Variants in COPB2 observed in about 807,000 individuals in gnomAD.
COPB2 encodes coatomer subunit beta'.
COPB2 carries 16 observed loss-of-function variants against 120.8 expected under a neutral mutation model. The ratio of observed to expected loss-of-function variants is 0.13; its 90% CI spans 0.09 to 0.20. COPB2 has a LOEUF of 0.20. Ranked by LOEUF, COPB2 falls within the 10% of genes least tolerant of loss-of-function variation. The pLI, the probability that COPB2 is intolerant of heterozygous loss-of-function variation, is 1.00. For synonymous variants in COPB2, 332 were observed against 366.3 expected, an observed-to-expected ratio of 0.91 and a Z score of 1.07; for missense variants, 794 against 1,076.5, an observed-to-expected ratio of 0.74 and a Z score of 3.67.
intron 5 of COPB2, among the ~76,000 whole-genome samples, chr3:139,377,501 T>C (rs556185093): frequency 2.6e-5 from 4 of 152,296 alleles, no homozygotes; most frequent in African/African-American, 7.2e-5. Flanking sequence ...GGATGGTGAG[T>C]AGACCAGGGT....
At chr3:139,379,019 C>T (rs1576377402) in intron 4 of COPB2, 28 bp downstream of exon 4, 1 of 1,552,144 alleles carries the variant, frequency 6.4e-7, no homozygotes, top group East Asian at 2.3e-5. Context: ...CAAAGAGACG[C>T]ACATGACCAA....
Position 139,377,471 on chromosome 3 carries a change from A to G in COPB2, c.504+570T>C, listed in dbSNP as rs73235412. Among the ~76,000 whole-genome samples, 661 of 152,368 alleles carry G rather than the reference A, an allele frequency of 4.3e-3. 4 individuals carry two copies. The highest frequency in any genetic ancestry group is 7.1e-3 in the Non-Finnish European group (483 of 68,038). ...AGTTCAATGAAGTAAGGTTTTGTGAACATTCATAGCCTCTCTAGAGGATGG... is the reference window on the plus strand; with the variant it reads ...AGTTCAATGAAGTAAGGTTTTGTGAGCATTCATAGCCTCTCTAGAGGATGG... On this transcript the variant is annotated intron_variant, in intron 5 of 21. Coordinates refer to ENST00000333188, the MANE Select transcript of COPB2 (RefSeq NM_004766.3).
chr3:139,368,122 G>T (rs1419487447), intron 13 of COPB2, 23 bp downstream of exon 13: 1 of 1,597,416 alleles, frequency 6.3e-7, no homozygotes, highest in Non-Finnish European at 8.5e-7. Context: ...AGCTGAAAGC[G>T]AAAGTTGTGC....
chr3:139,373,385 T>C lies in COPB2; in HGVS notation c.922A>G (p.Met308Val). ...CAAATTATCTTTCCATTGGCATCCA[T>C]GGACATGGCAGGTTCCTCCCGACCA... ...KLGREEPAMS[M>V]DANGKIIWAK... The change falls in exon 9 of 22, where the codon ATG (methionine) becomes GTG (valine). Residue 308 changes from methionine to valine, a missense_variant. Around this residue, in one of 3 missense-constraint regions of COPB2, gnomAD observed 610 missense variants for 866.7 expected, o/e 0.70. Transcript: ENST00000333188. 6.2e-7 allele frequency: 1 copy of C among 1,614,166 alleles called. No homozygotes were observed. Among genetic ancestry groups the C allele is most frequent in the Non-Finnish European group, 8.5e-7 (1 of 1,180,032 alleles).
At chr3:139,366,512 T>C in intron 15 of COPB2, 56 bp downstream of exon 15, 1 of 1,486,308 alleles carries the variant, frequency 6.7e-7, no homozygotes. Context: ...TCCATAATAA[T>C]TTGCTTTCAA....
In COPB2 at chr3:139,367,046, C is replaced by T; in HGVS notation, c.1645G>A (p.Gly549Arg). 1 of 1,613,568 alleles carries T rather than the reference C, an allele frequency of 6.2e-7. No individual in the cohort carries two copies. The highest frequency in any genetic ancestry group is 1.3e-5 in the African/African-American group (1 of 74,994). Residue 549 changes from glycine to arginine, a missense_variant, in exon 14 of 22, where the codon GGA becomes AGA. Coordinates refer to ENST00000333188, the MANE Select transcript of COPB2 (RefSeq NM_004766.3). Reference sequence around the variant, plus strand: ...AAGTGGGCAATGGTGACTATTTCTCCTCCAACATAATAATTTAATCTGTTC... The same window carrying T: ...AAGTGGGCAATGGTGACTATTTCTCTTCCAACATAATAATTTAATCTGTTC... ...SVNRLNYYVGGEIVTIAHLDR... is the reference protein window; with the variant it reads ...SVNRLNYYVGREIVTIAHLDR...
At chr3:139,360,757 C>T (rs1941403746) in intron 17 of COPB2, among the ~76,000 whole-genome samples, 1 of 152,164 alleles carries the variant, frequency 6.6e-6, no homozygotes, top group Non-Finnish European at 1.5e-5. Context: ...CAGGTACCTA[C>T]TAGAGCAGCT....
At chr3:139,374,164 T>C (rs1941675529) in intron 7 of COPB2, 1 of 417,718 alleles carries the variant, frequency 2.4e-6, no homozygotes. Context: ...CAAACACACA[T>C]TCATGACATA....
Position 139,375,418 on chromosome 3 carries a change from T to A in COPB2, c.651+50A>T, listed in dbSNP as rs776667370. 23 of 1,567,412 alleles carry A rather than the reference T, an allele frequency of 1.5e-5. No individual in the cohort carries two copies. In the East Asian group the frequency reaches 3.9e-4, roughly 26 times the overall value. ...CAAGTCTTAACTGTCCTATAAGAAATAGTAAGAAACATATCTAACATATGG... is the reference window on the plus strand; with the variant it reads ...CAAGTCTTAACTGTCCTATAAGAAAAAGTAAGAAACATATCTAACATATGG... On this transcript the variant is annotated intron_variant, in intron 6 of 21. Coordinates refer to ENST00000333188, the MANE Select transcript of COPB2 (RefSeq NM_004766.3).
At chr3:139,376,971 G>C (rs1010886330) in intron 5 of COPB2, among the ~76,000 whole-genome samples, 2 of 152,054 alleles carry the variant, frequency 1.3e-5, no homozygotes, top group Non-Finnish European at 2.9e-5. Flanking sequence ...GGATGGTCTC[G>C]ATCTCCTGAC....
chr3:139,386,874 A>G (rs776512211), intron 1 of COPB2, among the ~76,000 whole-genome samples: 8 of 152,012 alleles, frequency 5.3e-5, no homozygotes. Context: ...GTAAACCTCT[A>G]CATACTCCCA....
chr3:139,361,326 T>C (rs1346740633), intron 16 of COPB2, 31 bp from the exon 17 acceptor site: 1 of 1,587,242 alleles, frequency 6.3e-7, no homozygotes, highest in African/African-American at 1.3e-5. Flanking sequence ...AGTTAAAATA[T>C]CTTTAGAAAT....
chr3:139,378,241 T>C (rs754758492), intron 4 of COPB2, 52 bp from the exon 5 acceptor site: 22 of 1,476,636 alleles, frequency 1.5e-5, no homozygotes, highest in Admixed American at 3.5e-5. Context: ...TTTCACTTCA[T>C]AACTAAGACA....
At chr3:139,376,987 G>A (rs2107806466) in intron 5 of COPB2, among the ~76,000 whole-genome samples, 3 of 152,290 alleles carry the variant, frequency 2.0e-5, no homozygotes, top group Admixed American at 2.0e-4. Context: ...CTGACCTTGT[G>A]ATCCACCTGC....
intron 1 of COPB2, among the ~76,000 whole-genome samples, chr3:139,389,173 G>A (rs1941999008): frequency 6.6e-6 from 1 of 152,190 alleles, no homozygotes; most frequent in Non-Finnish European, 1.5e-5. Context: ...CAACAGGAGT[G>A]TAGATTAACT....
intron 15 of COPB2, among the ~76,000 whole-genome samples, chr3:139,362,839 G>A (rs1320751922): frequency 6.6e-6 from 1 of 152,164 alleles, no homozygotes; most frequent in Admixed American, 6.5e-5. Context: ...ATGTCAAAAA[G>A]AAAGGAATTT....
chr3:139,374,522 C>G lies in COPB2; in HGVS notation c.718G>C (p.Glu240Gln). 1 of 1,614,008 alleles carries G rather than the reference C, an allele frequency of 6.2e-7. No homozygotes were observed. The highest frequency in any genetic ancestry group is 8.5e-7 in the Non-Finnish European group (1 of 1,179,922). Residue 240 changes from glutamate to glutamine, a missense_variant, in exon 7 of 22, where the codon GAG (glutamate) becomes CAG (glutamine). Coordinates refer to ENST00000333188, the MANE Select transcript of COPB2 (RefSeq NM_004766.3). ...QNVSCASFHPELPIIITGSED... is the reference protein window; with the variant it reads ...QNVSCASFHPQLPIIITGSED... ...GAACCTGTGATAATGATTGGCAACTCAGGATGAAAGCTGGCACAAGACACA... is the reference window on the plus strand; with the variant it reads ...GAACCTGTGATAATGATTGGCAACTGAGGATGAAAGCTGGCACAAGACACA...
chr3:139,374,534 T>G lies in COPB2; in HGVS notation c.706A>C (p.Ser236Arg). 1.9e-6 allele frequency: 3 copies of G among 1,614,094 alleles called. No individual in the cohort carries two copies. Among genetic ancestry groups the G allele is most frequent in the Non-Finnish European group, 2.5e-6 (3 of 1,179,960 alleles). Residue 236 changes from serine (S) to arginine (R), a missense_variant, in exon 7 of 22, where the codon AGC (serine) becomes CGC (arginine). Physicochemically the swap from Ser to Arg is moderately radical, Grantham distance 110. Coordinates refer to ENST00000333188, the MANE Select transcript of COPB2 (RefSeq NM_004766.3). Reference protein sequence around the residue: ...EGHAQNVSCASFHPELPIIIT... With the variant: ...EGHAQNVSCARFHPELPIIIT... ...ATGATTGGCAACTCAGGATGAAAGC[T>G]GGCACAAGACACATTTTGGGCATGT...
chr3:139,367,020 C>T lies in COPB2; in HGVS notation c.1671G>A (p.Leu557=). 1 of 1,609,376 alleles carries T rather than the reference C, an allele frequency of 6.2e-7. No homozygotes were observed. The highest frequency in any genetic ancestry group is 8.5e-7 in the Non-Finnish European group (1 of 1,178,714). ...GCAAAATGATACTCAGGTACCTGTC[C>T]AAGTGGGCAATGGTGACTATTTCTC... The part of the protein sequence containing the change: ...VGGEIVTIAH[L]DRTMYLLGYI... Residue 557 remains leucine (L), a synonymous_variant, in exon 14 of 22, where the codon TTG becomes TTA. Transcript: ENST00000333188.
Sources: allele counts gnomAD v4.1 joint callset (sites outside exome capture counted in the v4.1 genomes callset), GRCh38; gene constraint gnomAD v4.1.1; regional missense constraint gnomAD v4.1.1; transcripts MANE v1.5; gene names NCBI Gene and HGNC (gene_info 2026-07-23, HGNC 2026-07-21).